The following ATP2C1 variants were observed in gnomAD, a reference collection of about 807,000 sequenced individuals.
ATP2C1 encodes ATPase secretory pathway Ca2+ transporting 1, also known as calcium-transporting ATPase type 2C member 1.
A neutral mutation model predicts 120.5 loss-of-function variants in ATP2C1; 31 were observed. The observed-to-expected ratio is 0.26, with a 90% confidence interval of 0.19 to 0.35. The LOEUF is 0.35. Among genes scored for constraint, ATP2C1 ranks in the 10% least tolerant of loss-of-function variants. The pLI, the probability that ATP2C1 is intolerant of heterozygous loss-of-function variation, is 1.00. For missense variants in ATP2C1, 731 were observed against 1,107.5 expected (o/e 0.66, Z 4.83); for synonymous variants, 351 against 358.7 (o/e 0.98, Z 0.24).
At chr3:130,990,481 A>G (rs1464719892) in intron 20 of ATP2C1, among the ~76,000 whole-genome samples, 5 of 152,146 alleles carry the variant, frequency 3.3e-5, no homozygotes, top group Non-Finnish European at 5.9e-5. Flanking sequence ...GAGGAGGCCA[A>G]TGTAGTTCAG....
At chr3:130,947,625 A>G (rs996454726) in intron 8 of ATP2C1, among the ~76,000 whole-genome samples, 2 of 152,168 alleles carry the variant, frequency 1.3e-5, no homozygotes, top group African/African-American at 4.8e-5. Context: ...ATAATTTTCC[A>G]TTGTAAGGAT....
At chr3:130,957,568 T>C (rs2060633689) in intron 11 of ATP2C1, among the ~76,000 whole-genome samples, 1 of 152,182 alleles carries the variant, frequency 6.6e-6, no homozygotes, top group South Asian at 2.1e-4. Context: ...TTATTTGAGA[T>C]GGAGTCTCAT....
chr3:130,941,171 C>T (rs1328599119), intron 7 of ATP2C1, among the ~76,000 whole-genome samples: 6 of 151,926 alleles, frequency 3.9e-5, no homozygotes, highest in Non-Finnish European at 1.5e-5. Context: ...ACCTCGGCCT[C>T]CCAAAGTGTT....
At chr3:130,915,411 T>C (rs1225210502) in intron 2 of ATP2C1, among the ~76,000 whole-genome samples, 4 of 152,146 alleles carry the variant, frequency 2.6e-5, no homozygotes, top group Non-Finnish European at 5.9e-5. Flanking sequence ...TTCTTAATTA[T>C]AAGAATGTAC....
At chr3:130,935,693 C>T (rs1178480610) in intron 5 of ATP2C1, among the ~76,000 whole-genome samples, 1 of 152,172 alleles carries the variant, frequency 6.6e-6, no homozygotes, top group Non-Finnish European at 1.5e-5. Flanking sequence ...GCAGGTGAAA[C>T]TGTTAGAGCC....
intron 1 of ATP2C1, among the ~76,000 whole-genome samples, chr3:130,862,603 C>T (rs1276967543): frequency 6.6e-6 from 1 of 152,164 alleles, no homozygotes; most frequent in Non-Finnish European, 1.5e-5. Context: ...CTCTGTTTCT[C>T]CTTTACTACC....
intron 1 of ATP2C1, among the ~76,000 whole-genome samples, chr3:130,869,859 A>G (rs566941824): frequency 6.6e-6 from 1 of 152,346 alleles, no homozygotes; most frequent in African/African-American, 2.4e-5. Flanking sequence ...AGCAGCAAGG[A>G]GTGATGGAGA....
Position 130,985,840 on chromosome 3 carries a change from T to C in ATP2C1, c.1839+5161T>C, listed in dbSNP as rs570657307. 2.2e-3 allele frequency among the ~76,000 whole-genome samples: 330 copies of C among 152,242 alleles called. 1 individual carries two copies. Among genetic ancestry groups the C allele is most frequent in the African/African-American group, 7.5e-3 (313 of 41,564 alleles). On this transcript the variant is annotated intron_variant, in intron 20 of 27. Transcript: ENST00000510168. The stretch of plus-strand genomic sequence containing the variant: ...GCAGCATGATGAGTAGTTGCTTTTT[T>C]TTCTTTAAGAACATGGCTGTCAGCG...
At position 131,001,551 on chromosome 3, in the gene ATP2C1, A is replaced by T; in HGVS notation, c.*201A>T. 7.8e-7 allele frequency: 1 copy of T among 1,278,822 alleles called. No homozygotes were observed. The highest frequency in any genetic ancestry group is 9.9e-7 in the Non-Finnish European group (1 of 1,006,918). 79.2% of individuals were successfully genotyped at this position (1,278,822 alleles called of 1,614,324 possible). A position where few individuals can be genotyped will look rare whatever the true frequency, so the allele number is the denominator to read the frequency against. Reference sequence around the variant, plus strand: ...TGCAACTTTGATATCATATTCCTTGATTTAAATTGGCTTTTGTGATTGAGT... The same window carrying T: ...TGCAACTTTGATATCATATTCCTTGTTTTAAATTGGCTTTTGTGATTGAGT... On this transcript the variant is annotated 3_prime_UTR_variant, in exon 28 of 28. Transcript: ENST00000510168.
chr3:130,920,974 A>G (rs1056706782), intron 2 of ATP2C1, among the ~76,000 whole-genome samples: 22 of 151,980 alleles, frequency 1.4e-4, no homozygotes, highest in African/African-American at 5.1e-4. Flanking sequence ...TAGTTAGTGT[A>G]TGGAAACATT....
rs2061707793 is a variant in ATP2C1, at chr3:130,980,504, C to T, written c.1742-78C>T. 1.2e-5 allele frequency: 12 copies of T among 968,968 alleles called. No individual in the cohort carries two copies. The Admixed American group carries it at 2.1e-4, about 17-fold the overall frequency. 60.0% of individuals were successfully genotyped at this position (968,968 alleles called of 1,614,324 possible). The stretch of plus-strand genomic sequence containing the variant: ...AAAAGAGAACAGATAACAAATCATA[C>T]TAAATGAGCATTACGTTGACTAGCC... On this transcript the variant is annotated intron_variant, in intron 19 of 27. Transcript: ENST00000510168.
intron 19 of ATP2C1, among the ~76,000 whole-genome samples, chr3:130,980,212 C>T (rs903294778): frequency 6.6e-6 from 1 of 151,584 alleles, no homozygotes; most frequent in East Asian, 1.9e-4. Flanking sequence ...GGCCTAGTTT[C>T]GATTCTTAGG....
At chr3:130,983,594 C>CT (rs2061868563) in intron 20 of ATP2C1, among the ~76,000 whole-genome samples, 1 of 152,208 alleles carries the variant, frequency 6.6e-6, no homozygotes, top group Admixed American at 6.5e-5. Context: ...GAGACGGAGT[C>CT]TCGCTCCACC....
intron 8 of ATP2C1, among the ~76,000 whole-genome samples, chr3:130,952,258 C>G (rs1211273771): frequency 6.6e-6 from 1 of 152,184 alleles, no homozygotes; most frequent in Non-Finnish European, 1.5e-5. Context: ...GTTTCATTCA[C>G]TGCTGATTAT....
rs116313706 is a variant in ATP2C1, at chr3:131,012,236, G to A, written c.2630-3916G>A. Among the ~76,000 whole-genome samples, 1,113 of 150,496 alleles carry A rather than the reference G, an allele frequency of 7.4e-3. 18 individuals carry two copies. The highest frequency in any genetic ancestry group is 0.025 in the African/African-American group (1,020 of 41,042). On this transcript the variant is annotated intron_variant, in intron 26 of 26. Transcript: ENST00000328560. ...GGTAGGGAGGATTTGATATAACAAC[G>A]GTCTTACATGGTTTTTCTTTTTTCT...
At chr3:130,939,906 A>G (rs2059823081) in intron 6 of ATP2C1, among the ~76,000 whole-genome samples, 1 of 152,166 alleles carries the variant, frequency 6.6e-6, no homozygotes, top group Admixed American at 6.5e-5. Context: ...ACCTTAGATT[A>G]GAAGATTCTT....
chr3:130,969,517 T>C, intron 17 of ATP2C1, 121 bp downstream of exon 17: 2 of 748,410 alleles, frequency 2.7e-6, no homozygotes, highest in Non-Finnish European at 4.8e-6. Context: ...TTAAAGTACA[T>C]GTAATTAATA....
At chr3:130,912,197 G>A (rs1559912513) in intron 2 of ATP2C1, among the ~76,000 whole-genome samples, 1 of 124,606 alleles carries the variant, frequency 8.0e-6, no homozygotes, top group Non-Finnish European at 1.7e-5. Flanking sequence ...CATGGGCAAG[G>A]ACTTCATGTC....
At chr3:130,981,644 C>T (rs975242970) in intron 20 of ATP2C1, among the ~76,000 whole-genome samples, 2 of 152,040 alleles carry the variant, frequency 1.3e-5, no homozygotes, top group African/African-American at 2.4e-5. Flanking sequence ...AGTTGTTTTA[C>T]GAGATGGCTT....
Sources: allele counts gnomAD v4.1 joint callset (sites outside exome capture counted in the v4.1 genomes callset), GRCh38; gene constraint gnomAD v4.1.1; transcripts MANE v1.5; gene names NCBI Gene and HGNC (gene_info 2026-07-23, HGNC 2026-07-21).